Variants in CRYBG3 observed in about 807,000 individuals in gnomAD.
The protein encoded by CRYBG3 is crystallin beta-gamma domain containing 3, also known as very large A-kinase anchor protein.
In CRYBG3, 127 loss-of-function variants were observed where a neutral mutation model predicts 244.2. That is an observed-to-expected ratio of 0.52 (90% CI 0.45 to 0.60). The LOEUF is 0.60. Among genes scored for constraint, CRYBG3 ranks in the 20% least tolerant of loss-of-function variants. The pLI, the probability that CRYBG3 is intolerant of heterozygous loss-of-function variation, is 0.00. For missense variants in CRYBG3, 3,325 were observed against 3,442.5 expected, an observed-to-expected ratio of 0.97 and a Z score of 0.85; for synonymous variants, 1,132 against 1,195.8, an observed-to-expected ratio of 0.95 and a Z score of 1.10.
intron 17 of CRYBG3, 89 bp downstream of exon 17, chr3:97,915,825 G>T: frequency 9.8e-7 from 1 of 1,019,076 alleles, no homozygotes; most frequent in East Asian, 2.6e-5. Flanking sequence ...TGGAAGAAAT[G>T]ATACAAGGAG....
chr3:97,864,156 T>G (rs976008781), intron 2 of CRYBG3, 61 bp from the exon 3 acceptor site: 2 of 1,275,694 alleles, frequency 1.6e-6, no homozygotes, highest in Admixed American at 5.7e-5. Flanking sequence ...TTATAATAGC[T>G]TATCAGTCTG....
rs180978048 is a variant in CRYBG3, at chr3:97,876,934, A to G, written c.5740A>G (p.Ile1914Val). ...VEETKEEPTEIKEGLIAHENR... is the reference protein window; with the variant it reads ...VEETKEEPTEVKEGLIAHENR... ...AGAAACAAAGGAAGAGCCTACAGAA[A>G]TAAAGGAAGGCTTGATAGCACATGA... Residue 1914 changes from isoleucine (I) to valine (V), a missense_variant, in exon 4 of 22, where the codon ATA (isoleucine) becomes GTA (valine). Physicochemically the swap from Ile to Val is conservative, Grantham distance 29. Transcript: ENST00000389622. 2 of 1,481,428 alleles carry G rather than the reference A, an allele frequency of 1.4e-6. No homozygotes were observed. The highest frequency in any genetic ancestry group is 1.8e-6 in the Non-Finnish European group (2 of 1,116,832). The allele number at this position is 1,481,428 out of a possible 1,614,324, so 91.8% of individuals were successfully genotyped here. A position where few individuals can be genotyped will look rare whatever the true frequency, so the allele number is the denominator to read the frequency against.
intron 1 of CRYBG3, among the ~76,000 whole-genome samples, chr3:97,825,038 C>T (rs2108148552): frequency 6.6e-6 from 1 of 152,232 alleles, no homozygotes; most frequent in South Asian, 2.1e-4. Context: ...GAATAGGGAA[C>T]AGGTATTCCG....
intron 3 of CRYBG3, among the ~76,000 whole-genome samples, chr3:97,870,528 C>T (rs1042879012): frequency 1.3e-5 from 2 of 152,072 alleles, no homozygotes; most frequent in African/African-American, 2.4e-5. Context: ...TTTCTTTATC[C>T]AATCTACCAT....
Position 97,864,129 on chromosome 3 carries a change from T to C in CRYBG3, c.217-88T>C, listed in dbSNP as rs563949409. On this transcript the variant is annotated intron_variant, in intron 2 of 21. Coordinates refer to ENST00000389622, the MANE Select transcript of CRYBG3 (RefSeq NM_153605.4). ...CTTATTCACAAATGTATCCCTGGTG[T>C]CTACACAGAATCTGTTTTATAATAG... 1.2e-5 allele frequency: 13 copies of C among 1,053,998 alleles called. No homozygotes were observed. In the South Asian group the frequency reaches 2.3e-4, roughly 18 times the overall value. The allele number at this position is 1,053,998 out of a possible 1,614,324, so 65.3% of individuals were successfully genotyped here. A position where few individuals can be genotyped will look rare whatever the true frequency, so the allele number is the denominator to read the frequency against.
At chr3:97,882,174 A>T (rs2039456320) in intron 7 of CRYBG3, among the ~76,000 whole-genome samples, 1 of 151,722 alleles carries the variant, frequency 6.6e-6, no homozygotes, top group African/African-American at 2.4e-5. Flanking sequence ...ATGCCACTGC[A>T]CTCAGCCTGG....
chr3:97,880,167 CTTT>C (rs893936145), intron 6 of CRYBG3, 67 bp downstream of exon 6: 2 of 781,422 alleles, frequency 2.6e-6, no homozygotes, highest in Non-Finnish European at 4.1e-6. Context: ...GCTGTTAATG[CTTT>C]TTTTTCTATT....
At chr3:97,839,451 T>G (rs535640372) in intron 1 of CRYBG3, among the ~76,000 whole-genome samples, 2 of 152,262 alleles carry the variant, frequency 1.3e-5, no homozygotes, top group South Asian at 4.1e-4. Context: ...TGTTGAGTAA[T>G]TTTTTCCCAC....
chr3:97,850,208 A>T (rs2038964296), intron 2 of CRYBG3, among the ~76,000 whole-genome samples: 1 of 152,142 alleles, frequency 6.6e-6, no homozygotes, highest in South Asian at 2.1e-4. Flanking sequence ...ACTAAGGCCC[A>T]TCAACGGCCC....
chr3:97,849,719 T>C (rs188182972), intron 2 of CRYBG3, among the ~76,000 whole-genome samples: 75 of 152,348 alleles, frequency 4.9e-4, no homozygotes, highest in African/African-American at 1.7e-3. Flanking sequence ...GGAACATGTA[T>C]GTACTCTAGA....
Position 97,943,486 on chromosome 3 carries a change from A to C in CRYBG3, c.*172A>C. The C allele has an allele frequency of 3.3e-5, 19 of 567,252 alleles. No individual in the cohort carries two copies. The highest frequency in any genetic ancestry group is 1.0e-4 in the East Asian group (3 of 29,842). The allele number at this position is 567,252 out of a possible 1,614,324, so 35.1% of individuals were successfully genotyped here. On this transcript the variant is annotated 3_prime_UTR_variant, in exon 22 of 22. Coordinates refer to ENST00000389622, the MANE Select transcript of CRYBG3 (RefSeq NM_153605.4). ...ATCGCTCTTAACCATGGAAAAGCTC[A>C]AAATATTCTTGCCATTACTCAGTGT... is the stretch of plus-strand genomic sequence containing the variant.
intron 1 of CRYBG3, among the ~76,000 whole-genome samples, chr3:97,828,549 G>A (rs1274417990): frequency 1.3e-5 from 2 of 148,870 alleles, no homozygotes; most frequent in Non-Finnish European, 1.5e-5. Context: ...AAAAAAAGCC[G>A]GGCGTGGTGG....
chr3:97,930,770 C>A (rs960404233), intron 17 of CRYBG3, among the ~76,000 whole-genome samples: 1 of 152,098 alleles, frequency 6.6e-6, no homozygotes, highest in Non-Finnish European at 1.5e-5. Context: ...CATAACATTT[C>A]TATCACTTCA....
chr3:97,864,397 G>C lies in CRYBG3; in HGVS notation c.397G>C (p.Gly133Arg), dbSNP rs1053964893. ...QFLGNLFNIS[G>R]KSSLGEAKQS... ...TCTTGGTAACTTATTCAATATCTCG[G>C]GGAAATCATCTCTAGGTGAAGCTAA... Residue 133 changes from glycine (G) to arginine (R), a missense_variant, in exon 3 of 22, where the codon GGG becomes CGG. Physicochemically the swap from Gly to Arg is moderately radical, Grantham distance 125. Coordinates refer to ENST00000389622, the MANE Select transcript of CRYBG3 (RefSeq NM_153605.4). 7.8e-6 allele frequency: 12 copies of C among 1,535,642 alleles called. No homozygotes were observed. The highest frequency in any genetic ancestry group is 2.7e-5 in the African/African-American group (2 of 72,984).
Position 97,873,344 on chromosome 3 carries a change from C to T in CRYBG3, c.2150C>T (p.Pro717Leu), listed in dbSNP as rs575186549. ...GTTGAGGCTGCAGGCAGGAAGAGTC[C>T]TCCTCCTTCCTTTTGCCTTGAATAT... ...NHVEAAGRKSPPPSFCLEYTS... is the reference protein window; with the variant it reads ...NHVEAAGRKSLPPSFCLEYTS... Residue 717 changes from proline to leucine, a missense_variant, in exon 4 of 22, where the codon CCT becomes CTT. By Grantham distance (98) the Pro-to-Leu change is moderately conservative (BLOSUM62 -3). Around this residue, in one of 4 missense-constraint regions of CRYBG3, gnomAD observed 1,526 missense variants for 1,443.2 expected, o/e 1.06. Coordinates refer to ENST00000389622, the MANE Select transcript of CRYBG3 (RefSeq NM_153605.4). The T allele has an allele frequency of 1.6e-5, 24 of 1,535,778 alleles. 1 individual carries two copies. The African/African-American group carries it at 1.8e-4, about 11-fold the overall frequency.
At chr3:97,841,168 G>A (rs1416477728) in intron 1 of CRYBG3, among the ~76,000 whole-genome samples, 1 of 150,792 alleles carries the variant, frequency 6.6e-6, no homozygotes, top group African/African-American at 2.4e-5. Context: ...TTTTTTATGT[G>A]TTTAACACAC....
intron 16 of CRYBG3, among the ~76,000 whole-genome samples, chr3:97,913,207 C>T (rs1431114584): frequency 5.3e-5 from 8 of 152,124 alleles, no homozygotes; most frequent in African/African-American, 1.4e-4. Flanking sequence ...AATTCCCAGC[C>T]GTTTTCTAGT....
At chr3:97,828,334 A>T (rs965107565) in intron 1 of CRYBG3, among the ~76,000 whole-genome samples, 12 of 152,136 alleles carry the variant, frequency 7.9e-5, no homozygotes, top group Admixed American at 6.5e-4. Context: ...ACAGGCCAAA[A>T]GTTGCCTATA....
chr3:97,922,176 C>T (rs2039991422), intron 17 of CRYBG3, among the ~76,000 whole-genome samples: 1 of 152,088 alleles, frequency 6.6e-6, no homozygotes, highest in South Asian at 2.1e-4. Flanking sequence ...GTGTAGAAGA[C>T]AAAAATTAAT....
Sources: allele counts gnomAD v4.1 joint callset (sites outside exome capture counted in the v4.1 genomes callset), GRCh38; gene constraint gnomAD v4.1.1; regional missense constraint gnomAD v4.1.1; transcripts MANE v1.5; gene names NCBI Gene and HGNC (gene_info 2026-07-23, HGNC 2026-07-21).